The following DGKH variants were observed in gnomAD, a reference collection of about 807,000 sequenced individuals.
DGKH encodes the protein DAG kinase eta.
Under a neutral mutation model 159.3 loss-of-function variants are expected in DGKH, and 90 were observed. That is an observed-to-expected ratio of 0.57 (90% CI 0.48 to 0.67). DGKH has a LOEUF of 0.67. DGKH is among the 30% of genes least tolerant of loss of function. The pLI, the probability that DGKH is intolerant of heterozygous loss-of-function variation, is 0.00. For synonymous variants in DGKH, 536 were observed against 553.8 expected (o/e 0.97, Z 0.45); for missense variants, 1,181 against 1,506.1 (o/e 0.78, Z 3.57).
rs186628321 is a variant in DGKH, at chr13:42,114,289, G to A, written c.193-13174G>A. 1.5e-3 allele frequency among the ~76,000 whole-genome samples: 232 copies of A among 152,318 alleles called. 8 individuals carry two copies. Among genetic ancestry groups the A allele is most frequent in the Non-Finnish European group, 3.4e-4 (23 of 68,036 alleles). On this transcript the variant is annotated intron_variant, in intron 1 of 29. Coordinates refer to ENST00000337343, the MANE Select transcript of DGKH (RefSeq NM_178009.5). ...GGCACCTCTGGCTAGAGTTCTTACA[G>A]TGCTGCTGGGTTCCTGCCAAGGGTC...
intron 1 of DGKH, chr13:42,070,612 T>C: frequency 6.2e-7 from 1 of 1,608,622 alleles, no homozygotes; most frequent in Non-Finnish European, 8.5e-7. Flanking sequence ...GTCTTCAGTA[T>C]TAATGAAAAG....
intron 1 of DGKH, among the ~76,000 whole-genome samples, chr13:42,126,242 G>C (rs942897): frequency 0.37 from 56,625 of 152,054 alleles, 10,983 homozygotes; most frequent in African/African-American, 0.45. Context: ...TTATGTGTCA[G>C]AAGATGGAAA....
At position 42,236,513 on chromosome 13, in the gene DGKH, T is replaced by G. The variant is rs1958415791; in HGVS notation, c.*7325T>G. 1 of 152,240 alleles carries G rather than the reference T, an allele frequency of 6.6e-6. No homozygotes were observed. Among genetic ancestry groups the G allele is most frequent in the Non-Finnish European group, 1.5e-5 (1 of 68,040 alleles). The allele number at this position is 152,240 out of a possible 1,614,324, so 9.4% of individuals were successfully genotyped here. ...CCAAGGGATTCAGTGTGTTATATTT[T>G]GCCAATATGTATTTTATCTTCATGT... On this transcript the variant is annotated 3_prime_UTR_variant, in exon 30 of 30. Coordinates refer to ENST00000337343, the MANE Select transcript of DGKH (RefSeq NM_178009.5).
chr13:42,173,262 C>G (rs1956510066), intron 11 of DGKH, among the ~76,000 whole-genome samples: 1 of 152,234 alleles, frequency 6.6e-6, no homozygotes, highest in South Asian at 2.1e-4. Flanking sequence ...TGAGGCACCA[C>G]ACCTGGCCTT....
At chr13:42,244,052 G>A (rs532228935), downstream of DGKH, among the ~76,000 whole-genome samples, 2 of 121,420 alleles carry the variant, frequency 1.6e-5, no homozygotes, top group South Asian at 2.6e-4. Flanking sequence ...GTGGATGGAT[G>A]AGGGGAGAGA....
chr13:42,107,882 A>G (rs1294730916), intron 1 of DGKH, among the ~76,000 whole-genome samples: 1 of 152,060 alleles, frequency 6.6e-6, no homozygotes, highest in Non-Finnish European at 1.5e-5. Context: ...AGGGTCCTAG[A>G]GTCTCTCTTT....
intron 1 of DGKH, among the ~76,000 whole-genome samples, chr13:42,052,797 T>A (rs1881419711): frequency 1.3e-5 from 2 of 152,228 alleles, no homozygotes; most frequent in Admixed American, 6.5e-5. Context: ...TGTTCAACAA[T>A]CATAAACCAA....
At chr13:42,053,770 C>A (rs1881547523) in intron 1 of DGKH, among the ~76,000 whole-genome samples, 1 of 151,886 alleles carries the variant, frequency 6.6e-6, no homozygotes, top group Non-Finnish European at 1.5e-5. Context: ...AGGCGCATGC[C>A]ACCATGCCCA....
downstream of DGKH, among the ~76,000 whole-genome samples, chr13:42,245,661 C>T (rs1232531861): frequency 6.6e-6 from 1 of 152,138 alleles, no homozygotes; most frequent in Non-Finnish European, 1.5e-5. Context: ...TCTTGGCTCA[C>T]TGCAACCACC....
intron 3 of DGKH, among the ~76,000 whole-genome samples, chr13:42,141,449 A>G (rs1462009150): frequency 6.6e-6 from 1 of 152,082 alleles, no homozygotes; most frequent in East Asian, 1.9e-4. Context: ...TGGCATTTCT[A>G]GTTCTAGATT....
At chr13:42,088,813 T>G (rs1312529312) in intron 1 of DGKH, among the ~76,000 whole-genome samples, 1 of 152,226 alleles carries the variant, frequency 6.6e-6, no homozygotes, top group Non-Finnish European at 1.5e-5. Context: ...CACTTCCTTT[T>G]GAATGCCTTG....
chr13:42,224,597 C>A (rs1958071065), intron 29 of DGKH, among the ~76,000 whole-genome samples: 1 of 152,138 alleles, frequency 6.6e-6, no homozygotes, highest in Non-Finnish European at 1.5e-5. Flanking sequence ...AGTAGCTTCC[C>A]ATTTCTAGGG....
rs144969588 is a variant in DGKH, at chr13:42,126,084, A to T, written c.193-1379A>T. Among the ~76,000 whole-genome samples, 753 of 152,294 alleles carry T rather than the reference A, an allele frequency of 4.9e-3. 2 individuals carry two copies. The highest frequency in any genetic ancestry group is 7.2e-3 in the Non-Finnish European group (487 of 68,024). On this transcript the variant is annotated intron_variant, in intron 1 of 29. Transcript: ENST00000337343. ...TGGCCTCTAAGGTAATCCTATAGAA[A>T]GGCTCTAGTGTAGTTTGCTTTCTTT...
At chr13:42,158,469 A>T (rs1221723726) in intron 5 of DGKH, among the ~76,000 whole-genome samples, 3 of 152,184 alleles carry the variant, frequency 2.0e-5, no homozygotes, top group Non-Finnish European at 4.4e-5. Context: ...AATTTTTGTA[A>T]GTATGGTCAA....
At chr13:42,071,288 A>G (rs1882950637) in intron 1 of DGKH, among the ~76,000 whole-genome samples, 1 of 152,214 alleles carries the variant, frequency 6.6e-6, no homozygotes, top group Admixed American at 6.5e-5. Context: ...TTTAAAGCTC[A>G]AAAAGCTCTA....
At chr13:42,064,495 C>A (rs774502717) in intron 1 of DGKH, among the ~76,000 whole-genome samples, 3 of 151,928 alleles carry the variant, frequency 2.0e-5, no homozygotes, top group Non-Finnish European at 2.9e-5. Context: ...CCAGGAAAAG[C>A]GTGGGTGGAT....
chr13:42,117,404 A>G (rs1305519977), intron 1 of DGKH, among the ~76,000 whole-genome samples: 2 of 152,216 alleles, frequency 1.3e-5, no homozygotes, highest in Non-Finnish European at 2.9e-5. Flanking sequence ...CAAATTAATC[A>G]CTTTTTGGTT....
chr13:42,143,542 G>T (rs1473874536), intron 3 of DGKH, among the ~76,000 whole-genome samples: 5 of 152,092 alleles, frequency 3.3e-5, no homozygotes, highest in Admixed American at 2.6e-4. Context: ...ACTTTTTTTG[G>T]TTGGTAAGCT....
At chr13:42,203,131 T>C (rs978410101) in intron 20 of DGKH, among the ~76,000 whole-genome samples, 3 of 152,230 alleles carry the variant, frequency 2.0e-5, no homozygotes, top group Middle Eastern at 3.2e-3. Context: ...TTAATAGTAA[T>C]TTCTGTATTT....
Sources: gnomAD v4.1 joint callset for allele counts (sites outside exome capture counted in the v4.1 genomes callset) on GRCh38, gnomAD v4.1.1 for gene constraint, MANE v1.5 for transcripts, NCBI Gene and HGNC (gene_info 2026-07-23, HGNC 2026-07-21) for gene names.